The following AFF3 variants were observed in gnomAD, a reference collection of about 807,000 sequenced individuals.
AFF3 encodes ALF transcription elongation factor 3.
Under a neutral mutation model 129.7 loss-of-function variants are expected in AFF3, and 32 were observed. That is an observed-to-expected ratio of 0.25 (90% CI 0.19 to 0.33). The LOEUF is 0.33. Among genes scored for constraint, AFF3 ranks in the 10% least tolerant of loss-of-function variants. AFF3 has a pLI of 1.00. For synonymous variants in AFF3, 644 were observed against 635.4 expected (o/e 1.01, Z -0.20); for missense variants, 1,373 against 1,592.0 (o/e 0.86, Z 2.34).
chr2:99,689,430 C>T (rs1291531689), intron 11 of AFF3, among the ~76,000 whole-genome samples: 1 of 152,076 alleles, frequency 6.6e-6, no homozygotes, highest in Admixed American at 6.5e-5. Flanking sequence ...ACTCACTCCT[C>T]AAAGACCACC....
intron 11 of AFF3, among the ~76,000 whole-genome samples, chr2:99,688,943 G>A (rs905570419): frequency 6.6e-6 from 1 of 152,064 alleles, no homozygotes; most frequent in Non-Finnish European, 1.5e-5. Context: ...ACCTTGACTG[G>A]CCTCAAACCA....
chr2:100,033,979 A>T (rs1684715217), intron 4 of AFF3, among the ~76,000 whole-genome samples: 1 of 152,196 alleles, frequency 6.6e-6, no homozygotes, highest in Non-Finnish European at 1.5e-5. Flanking sequence ...TACATATTAT[A>T]TAGGGCACAG....
intron 8 of AFF3, among the ~76,000 whole-genome samples, chr2:99,755,334 T>C (rs1682005814): frequency 6.6e-6 from 1 of 151,678 alleles, no homozygotes; most frequent in Admixed American, 6.6e-5. Context: ...AATGGCGCGA[T>C]CTCAGCTCAC....
chr2:99,858,382 CAAA>C (rs34454669), intron 7 of AFF3, among the ~76,000 whole-genome samples: 3 of 82,408 alleles, frequency 3.6e-5, no homozygotes, highest in Non-Finnish European at 2.8e-5. Flanking sequence ...CCTGTTTCTA[CAAA>C]AAAAAAAAAA....
intron 8 of AFF3, among the ~76,000 whole-genome samples, chr2:99,791,290 C>T (rs916719863): frequency 7.2e-5 from 11 of 152,160 alleles, no homozygotes; most frequent in South Asian, 2.1e-4. Flanking sequence ...CCAAAATCTA[C>T]GGATGCTTAT....
At chr2:99,640,105 GAAAACAGGCTCT>G (rs1684052500) in intron 13 of AFF3, among the ~76,000 whole-genome samples, 1 of 152,194 alleles carries the variant, frequency 6.6e-6, no homozygotes, top group Admixed American at 6.5e-5. Context: ...GCTTTTAGGA[GAAAACAGGCTCT>G]AGTAAAACAT....
chr2:99,611,653 G>A (rs191054234), intron 13 of AFF3, among the ~76,000 whole-genome samples: 7 of 152,198 alleles, frequency 4.6e-5, no homozygotes, highest in East Asian at 3.9e-4. Context: ...TGGGGAGGCC[G>A]AGGCTGGTGG....
chr2:99,954,593 T>G lies in AFF3; in HGVS notation c.873+52039A>C, dbSNP rs557991292. On this transcript the variant is annotated intron_variant, in intron 7 of 24. Coordinates refer to ENST00000672756, the MANE Select transcript of AFF3 (RefSeq NM_001386135.1). ...TGGAATACTATGCAGCCATAAAAAATGATGAGTTCATGTCCTTTGTAGGGG... is the reference window on the plus strand; with the variant it reads ...TGGAATACTATGCAGCCATAAAAAAGGATGAGTTCATGTCCTTTGTAGGGG... Among the ~76,000 whole-genome samples the G allele has an allele frequency of 6.3e-4, 96 of 151,890 alleles. 2 individuals carry two copies. The highest frequency in any genetic ancestry group is 2.2e-4 in the Non-Finnish European group (15 of 67,970).
chr2:99,946,574 G>C (rs540171842), intron 7 of AFF3, among the ~76,000 whole-genome samples: 2 of 144,882 alleles, frequency 1.4e-5, no homozygotes, highest in African/African-American at 5.1e-5. Flanking sequence ...ACTGTCTGCA[G>C]AATTTCCCCA....
At chr2:100,120,431 A>G (rs1032331759) in intron 2 of AFF3, among the ~76,000 whole-genome samples, 2 of 152,034 alleles carry the variant, frequency 1.3e-5, no homozygotes, top group South Asian at 4.2e-4. Flanking sequence ...CTTCTTAGGA[A>G]AGGTTTTCTT....
At chr2:99,717,061 T>G (rs910782455) in intron 11 of AFF3, among the ~76,000 whole-genome samples, 4 of 152,212 alleles carry the variant, frequency 2.6e-5, no homozygotes, top group Admixed American at 2.6e-4. Flanking sequence ...ATCCATGCTA[T>G]AGCGTGAGCA....
In AFF3 at chr2:100,093,288, T is replaced by TG. The variant is rs200174542; in HGVS notation, c.53+11113dup. On this transcript the variant is annotated intron_variant, in intron 4 of 24. Coordinates refer to ENST00000672756, the MANE Select transcript of AFF3 (RefSeq NM_001386135.1). ...TGGCCAGCTAATATTTCTGTAGAGATGGGGTCTCCCTATGTTGCCCAGGCT... is the reference window on the plus strand; with the variant it reads ...TGGCCAGCTAATATTTCTGTAGAGATGGGGGTCTCCCTATGTTGCCCAGGCT... 0.017 allele frequency among the ~76,000 whole-genome samples: 2,577 copies of TG among 148,718 alleles called. 177 individuals are homozygous for TG. In the East Asian group the frequency reaches 0.27, roughly 15 times the overall value.
At chr2:100,124,674 G>T (rs1434201681) in intron 2 of AFF3, among the ~76,000 whole-genome samples, 4 of 151,316 alleles carry the variant, frequency 2.6e-5, no homozygotes, top group African/African-American at 9.7e-5. Context: ...GGGGGAGATG[G>T]GGGGGTGTAT....
chr2:99,736,132 C>T (rs935296519), intron 10 of AFF3, among the ~76,000 whole-genome samples: 1 of 152,130 alleles, frequency 6.6e-6, no homozygotes, highest in Non-Finnish European at 1.5e-5. Flanking sequence ...GTAATGTACT[C>T]TTGCTCATTG....
At chr2:99,649,761 C>A (rs1575597057) in intron 12 of AFF3, 95 bp from the exon 13 acceptor site, 1 of 1,446,594 alleles carries the variant, frequency 6.9e-7, no homozygotes, top group Admixed American at 1.9e-5. Context: ...CTGCATTACA[C>A]ACATTTTTGC....
intron 7 of AFF3, among the ~76,000 whole-genome samples, chr2:99,859,836 C>T (rs1274516429): frequency 6.6e-6 from 1 of 152,152 alleles, no homozygotes; most frequent in East Asian, 1.9e-4. Flanking sequence ...CCAGACGAAA[C>T]CGGGAGCTTA....
chr2:99,891,411 G>C (rs574922458), intron 7 of AFF3, among the ~76,000 whole-genome samples: 5 of 152,248 alleles, frequency 3.3e-5, no homozygotes, highest in African/African-American at 4.8e-5. Context: ...AGATGTCAAA[G>C]CTTCAAAATG....
At chr2:99,942,860 C>T (rs1211686522) in intron 7 of AFF3, among the ~76,000 whole-genome samples, 1 of 152,128 alleles carries the variant, frequency 6.6e-6, no homozygotes, top group East Asian at 1.9e-4. Flanking sequence ...GGCTCAGTGA[C>T]ACCTTTATCT....
At chr2:99,750,223 A>T (rs545005984) in intron 9 of AFF3, among the ~76,000 whole-genome samples, 5 of 152,244 alleles carry the variant, frequency 3.3e-5, no homozygotes, top group Admixed American at 3.3e-4. Flanking sequence ...GTTTTTAAAA[A>T]GTGGTAATGG....
Sources: allele counts gnomAD v4.1 joint callset (sites outside exome capture counted in the v4.1 genomes callset), GRCh38; gene constraint gnomAD v4.1.1; transcripts MANE v1.5; gene names NCBI Gene and HGNC (gene_info 2026-07-23, HGNC 2026-07-21).